Variants in AKAP13 observed in about 807,000 individuals in gnomAD.
AKAP13 encodes the protein A-kinase anchor protein 13.
In AKAP13, 80 loss-of-function variants were observed where a neutral mutation model predicts 264.5. The ratio of observed to expected loss-of-function variants is 0.30; its 90% CI spans 0.25 to 0.36. The LOEUF is 0.36. Ranked by LOEUF, AKAP13 falls within the 10% of genes least tolerant of loss-of-function variation. The probability of loss-of-function intolerance (pLI) is 1.00; values close to 1 mark genes in which losing one functional copy is unlikely to be tolerated. For missense variants in AKAP13, 3,712 were observed against 3,435.2 expected (o/e 1.08, Z -2.01); for synonymous variants, 1,380 against 1,250.2 (o/e 1.10, Z -2.19).
chr15:85,516,617 G>A (rs1018869556), intron 2 of AKAP13, among the ~76,000 whole-genome samples: 3 of 151,982 alleles, frequency 2.0e-5, no homozygotes, highest in African/African-American at 7.3e-5. Flanking sequence ...GGCCTGCCAC[G>A]GCCTTCCTTG....
intron 2 of AKAP13, among the ~76,000 whole-genome samples, chr15:85,494,461 A>C (rs1306192610): frequency 6.6e-6 from 1 of 152,186 alleles, no homozygotes; most frequent in Non-Finnish European, 1.5e-5. Context: ...GACGTGGATG[A>C]ATCCCATACT....
At chr15:85,398,600 G>A (rs2071235572) in intron 1 of AKAP13, among the ~76,000 whole-genome samples, 1 of 152,146 alleles carries the variant, frequency 6.6e-6, no homozygotes, top group Non-Finnish European at 1.5e-5. Context: ...CTGTCGCCCA[G>A]GCCAGAGTGC....
intron 2 of AKAP13, among the ~76,000 whole-genome samples, chr15:85,490,930 C>G (rs1046384608): frequency 1.6e-4 from 25 of 152,112 alleles, no homozygotes; most frequent in African/African-American, 6.0e-4. Flanking sequence ...CAGGGAAGGC[C>G]TTTGAGGGGC....
intron 5 of AKAP13, among the ~76,000 whole-genome samples, chr15:85,551,658 C>T (rs1223584499): frequency 6.6e-6 from 1 of 152,112 alleles, no homozygotes; most frequent in Non-Finnish European, 1.5e-5. Flanking sequence ...TCTTGGTTGC[C>T]GTATAACATT....
At chr15:85,406,776 C>T (rs565652881) in intron 1 of AKAP13, among the ~76,000 whole-genome samples, 1 of 151,736 alleles carries the variant, frequency 6.6e-6, no homozygotes, top group African/African-American at 2.4e-5. Context: ...GATTTCATAA[C>T]ATTTTGTGTT....
intron 16 of AKAP13, among the ~76,000 whole-genome samples, chr15:85,692,371 T>TA (rs1188677433): frequency 6.6e-6 from 1 of 152,202 alleles, no homozygotes; most frequent in Non-Finnish European, 1.5e-5. Context: ...TCATATGTTT[T>TA]AAAAAACATA....
rs1409144821 is a variant in AKAP13 at position 85,745,560 on chromosome 15, T to A, written c.*883T>A. 6.6e-6 allele frequency: 1 copy of A among 152,206 alleles called. No homozygotes were observed. Among genetic ancestry groups the A allele is most frequent in the Non-Finnish European group, 1.5e-5 (1 of 68,040 alleles). 9.4% of individuals were successfully genotyped at this position (152,206 alleles called of 1,614,324 possible). A position where few individuals can be genotyped will look rare whatever the true frequency, so the allele number is the denominator to read the frequency against. Reference sequence around the variant, plus strand: ...ATCCCTGCAGCGTGACACCTTTTGATTGTCACTGACCACTCAGAAGGGGCC... The same window carrying A: ...ATCCCTGCAGCGTGACACCTTTTGAATGTCACTGACCACTCAGAAGGGGCC... On this transcript the variant is annotated 3_prime_UTR_variant, in exon 37 of 37. Transcript: ENST00000394518.
chr15:85,585,897 TG>T, intron 8 of AKAP13, 74 bp downstream of exon 8: 1 of 1,570,342 alleles, frequency 6.4e-7, no homozygotes, highest in Non-Finnish European at 8.7e-7. Flanking sequence ...TTTATGGCTT[TG>T]TCTTTTATTT....
chr15:85,582,679 T>G (rs1336035008), intron 7 of AKAP13, among the ~76,000 whole-genome samples: 1 of 152,114 alleles, frequency 6.6e-6, no homozygotes, highest in African/African-American at 2.4e-5. Context: ...TTTGTTTTTT[T>G]TGGGCTAGGG....
At chr15:85,406,183 GATAA>G (rs886921813) in intron 1 of AKAP13, among the ~76,000 whole-genome samples, 4 of 152,254 alleles carry the variant, frequency 2.6e-5, no homozygotes, top group Non-Finnish European at 4.4e-5. Flanking sequence ...AACTAGAGTG[GATAA>G]ATAAACTATT....
chr15:85,472,400 C>G (rs1318312079), intron 1 of AKAP13, among the ~76,000 whole-genome samples: 5 of 151,474 alleles, frequency 3.3e-5, no homozygotes, highest in Admixed American at 3.3e-4. Flanking sequence ...TATTGCCAGT[C>G]TAAATTGGGG....
chr15:85,471,020 G>A (rs1203945360), intron 1 of AKAP13, among the ~76,000 whole-genome samples: 2 of 152,088 alleles, frequency 1.3e-5, no homozygotes, highest in Admixed American at 1.3e-4. Flanking sequence ...CACGTCCCTT[G>A]TGACTTCATG....
intron 1 of AKAP13, among the ~76,000 whole-genome samples, chr15:85,394,342 A>G (rs2071012520): frequency 6.6e-6 from 1 of 152,172 alleles, no homozygotes; most frequent in Non-Finnish European, 1.5e-5. Flanking sequence ...TGTGGACCCA[A>G]CAGAAGACAG....
At chr15:85,621,760 A>C (rs557295365) in intron 8 of AKAP13, among the ~76,000 whole-genome samples, 1 of 152,288 alleles carries the variant, frequency 6.6e-6, no homozygotes, top group Admixed American at 6.5e-5. Context: ...CCCCATATTC[A>C]TATGAAGAGC....
At chr15:85,729,036 C>G (rs780635656) in intron 29 of AKAP13, among the ~76,000 whole-genome samples, 20 of 152,092 alleles carry the variant, frequency 1.3e-4, no homozygotes, top group East Asian at 1.9e-4. Context: ...CTCGGTGGCT[C>G]ATGCCTGTAA....
chr15:85,743,968 C>T (rs768430094), intron 36 of AKAP13, 143 bp downstream of exon 36: 39 of 970,140 alleles, frequency 4.0e-5, no homozygotes, highest in Non-Finnish European at 5.3e-5. Flanking sequence ...TCACCAGCTC[C>T]GCTTGCTAAG....
chr15:85,434,067 GT>G (rs2073150093), intron 1 of AKAP13, among the ~76,000 whole-genome samples: 1 of 140,122 alleles, frequency 7.1e-6, no homozygotes, highest in Admixed American at 7.2e-5. Context: ...GAGGTACCAG[GT>G]TTATCTCACT....
chr15:85,655,927 T>C (rs2083071513), intron 11 of AKAP13, 140 bp downstream of exon 11: 2 of 1,357,168 alleles, frequency 1.5e-6, no homozygotes, highest in East Asian at 5.0e-5. Flanking sequence ...ATCAGGAAAA[T>C]CTGTGTTCAG....
chr15:85,576,543 T>C (rs1036495297), intron 6 of AKAP13, among the ~76,000 whole-genome samples: 2 of 152,204 alleles, frequency 1.3e-5, no homozygotes, highest in Non-Finnish European at 2.9e-5. Context: ...TCTGAAAGGC[T>C]GTGTTTAGGT....
Sources: allele counts gnomAD v4.1 joint callset (sites outside exome capture counted in the v4.1 genomes callset), GRCh38; gene constraint gnomAD v4.1.1; transcripts MANE v1.5; gene names NCBI Gene and HGNC (gene_info 2026-07-23, HGNC 2026-07-21).